The following INPP5A variants were observed in gnomAD, a reference collection of about 807,000 sequenced individuals.
INPP5A encodes the protein inositol polyphosphate-5-phosphatase A.
Under a neutral mutation model 65.2 loss-of-function variants are expected in INPP5A, and 14 were observed. That is an observed-to-expected ratio of 0.21 (90% CI 0.14 to 0.34). The LOEUF is 0.34. Among genes scored for constraint, INPP5A ranks in the 10% least tolerant of loss-of-function variants. The pLI, the probability that INPP5A is intolerant of heterozygous loss-of-function variation, is 1.00. For missense variants in INPP5A, 431 were observed against 545.6 expected (o/e 0.79, Z 2.09); for synonymous variants, 207 against 208.3 (o/e 0.99, Z 0.05).
chr10:132,764,477 G>A (rs918429627), intron 11 of INPP5A, among the ~76,000 whole-genome samples: 2 of 147,862 alleles, frequency 1.4e-5, no homozygotes, highest in South Asian at 2.1e-4. Context: ...ACACGGTCGG[G>A]TCAGTCCTGC....
chr10:132,548,748 C>T (rs999198840), intron 1 of INPP5A, among the ~76,000 whole-genome samples: 10 of 145,126 alleles, frequency 6.9e-5, no homozygotes, highest in African/African-American at 1.0e-4. Flanking sequence ...CGCAGCGTTT[C>T]AAGGTTTGTA....
rs546836968 is a variant in INPP5A at position 132,704,487 on chromosome 10, C to T, written c.475-3826C>T. Reference sequence around the variant, plus strand: ...CTGTGTGTTGGACGCCAGCCCGCGGCGGCTGCTGGTGCGCAGAGCCACCCC... The same window carrying T: ...CTGTGTGTTGGACGCCAGCCCGCGGTGGCTGCTGGTGCGCAGAGCCACCCC... On this transcript the variant is annotated intron_variant, in intron 6 of 15. Coordinates refer to ENST00000368594, the MANE Select transcript of INPP5A (RefSeq NM_005539.5). This position sits in a 1 kb window ranked among gnomAD's most constrained non-coding sequence, Gnocchi z 4.5. Among the ~76,000 whole-genome samples the T allele has an allele frequency of 4.3e-4, 66 of 152,368 alleles. No homozygotes were observed. Among genetic ancestry groups the T allele is most frequent in the African/African-American group, 1.4e-3 (57 of 41,580 alleles).
Position 132,699,325 on chromosome 10 carries a change from G to A in INPP5A, c.474+1406G>A, listed in dbSNP as rs550673459. Among the ~76,000 whole-genome samples, 17 of 134,582 alleles carry A rather than the reference G, an allele frequency of 1.3e-4. No individual in the cohort carries two copies. In the South Asian group the frequency reaches 2.5e-3, roughly 19 times the overall value. 88.3% of individuals were successfully genotyped at this position (134,582 alleles called of 152,430 possible). On this transcript the variant is annotated intron_variant, in intron 6 of 15. Coordinates refer to ENST00000368594, the MANE Select transcript of INPP5A (RefSeq NM_005539.5). ...TCTCATCTCAGAGTGACCAGAGACCGACTCAGGGCCCTTTGTGGGAAGCGT... is the reference window on the plus strand; with the variant it reads ...TCTCATCTCAGAGTGACCAGAGACCAACTCAGGGCCCTTTGTGGGAAGCGT...
intron 1 of INPP5A, among the ~76,000 whole-genome samples, chr10:132,568,316 G>GT (rs1260962088): frequency 6.6e-6 from 1 of 151,972 alleles, no homozygotes; most frequent in East Asian, 1.9e-4. Context: ...ATTTCCATGT[G>GT]TATCGATAGC....
intron 4 of INPP5A, among the ~76,000 whole-genome samples, chr10:132,686,489 C>T (rs989575752): frequency 2.6e-5 from 4 of 152,192 alleles, no homozygotes; most frequent in Non-Finnish European, 5.9e-5. Context: ...CGGCAGGCCC[C>T]GGACACGCTC....
intron 8 of INPP5A, among the ~76,000 whole-genome samples, chr10:132,721,686 TGCGG>T (rs1168022397): frequency 2.0e-5 from 3 of 151,164 alleles, no homozygotes; most frequent in African/African-American, 7.4e-5. Flanking sequence ...ACAGCTGTCT[TGCGG>T]GTTCTGTGGT....
At chr10:132,664,559 T>C (rs953098153) in intron 4 of INPP5A, among the ~76,000 whole-genome samples, 1 of 152,198 alleles carries the variant, frequency 6.6e-6, no homozygotes, top group Non-Finnish European at 1.5e-5. Context: ...CCTGTTGCCC[T>C]GTGCGTTTGT....
chr10:132,731,670 G>GCC (rs1846088933), intron 9 of INPP5A, among the ~76,000 whole-genome samples: 1 of 152,216 alleles, frequency 6.6e-6, no homozygotes, highest in South Asian at 2.1e-4. Flanking sequence ...GGGAGTGGGG[G>GCC]CTCTCCAGCC....
intron 14 of INPP5A, 58 bp downstream of exon 14, chr10:132,780,975 CG>C (rs928569969): frequency 4.2e-5 from 5 of 118,778 alleles, no homozygotes; most frequent in East Asian, 2.0e-4. Flanking sequence ...GCTAGGGGGC[CG>C]GGGGGCTGGG....
chr10:132,688,414 G>A (rs1350031587), intron 4 of INPP5A, among the ~76,000 whole-genome samples: 1 of 152,214 alleles, frequency 6.6e-6, no homozygotes, highest in Non-Finnish European at 1.5e-5. Context: ...GAAGTGTGTG[G>A]GACGTTTAGC....
rs556868343 is a variant in INPP5A, at chr10:132,751,839, C to T, written c.903+1994C>T. Among the ~76,000 whole-genome samples, 173 of 120,812 alleles carry T rather than the reference C, an allele frequency of 1.4e-3. 1 individual carries two copies. The highest frequency in any genetic ancestry group is 5.4e-3 in the African/African-American group (166 of 30,708). The allele number at this position is 120,812 out of a possible 152,430, so 79.3% of individuals were successfully genotyped here. A position where few individuals can be genotyped will look rare whatever the true frequency, so the allele number is the denominator to read the frequency against. On this transcript the variant is annotated intron_variant, in intron 11 of 15. Transcript: ENST00000368594. The stretch of plus-strand genomic sequence containing the variant: ...GAGGCAGGTGCCCAGGAAGTGCCTT[C>T]GTGGAGGCGGGTGCCCAGGAGGTCT...
rs1314565702 is a variant in INPP5A, at chr10:132,674,168, C to A, written c.307-16224C>A. On this transcript the variant is annotated intron_variant, in intron 4 of 15. Coordinates refer to ENST00000368594, the MANE Select transcript of INPP5A (RefSeq NM_005539.5). This position sits in a 1 kb window ranked among gnomAD's most constrained non-coding sequence, Gnocchi z 4.4. ...ATACAAATATCTTCACAAATTTTGA[C>A]CACTCAGAGAGGTCTGTCCACATAC... is the stretch of plus-strand genomic sequence containing the variant. Among the ~76,000 whole-genome samples, 1 of 152,230 alleles carries A rather than the reference C, an allele frequency of 6.6e-6. No individual in the cohort carries two copies. The highest frequency in any genetic ancestry group is 2.4e-5 in the African/African-American group (1 of 41,452).
chr10:132,660,907 A>AT (rs887844058), intron 4 of INPP5A, among the ~76,000 whole-genome samples: 5 of 152,130 alleles, frequency 3.3e-5, no homozygotes, highest in East Asian at 1.9e-4. Context: ...GTGCACATTT[A>AT]TTTTTTTGAC....
At chr10:132,730,421 C>T (rs1018473808) in intron 9 of INPP5A, among the ~76,000 whole-genome samples, 8 of 152,242 alleles carry the variant, frequency 5.3e-5, no homozygotes, top group East Asian at 1.9e-4. Context: ...CGGGAGGGGG[C>T]GCCATCTGCT....
chr10:132,777,921 G>A, intron 13 of INPP5A, 139 bp downstream of exon 13: 1 of 1,485,668 alleles, frequency 6.7e-7, no homozygotes, highest in Non-Finnish European at 8.9e-7. Context: ...CTGACCTCGT[G>A]CTGCCATGAG....
chr10:132,580,352 C>T (rs939351002), intron 1 of INPP5A, among the ~76,000 whole-genome samples: 3 of 152,158 alleles, frequency 2.0e-5, no homozygotes, highest in Non-Finnish European at 4.4e-5. Context: ...GGCACTTCCC[C>T]TTTCACACTC....
At position 132,616,968 on chromosome 10, in the gene INPP5A, G is replaced by A. The variant is rs900734622; in HGVS notation, c.117+9012G>A. On this transcript the variant is annotated intron_variant, in intron 2 of 15. Transcript: ENST00000368594. The surrounding 1 kb of genome is among the most constrained non-coding windows in gnomAD (Gnocchi z 4.9). ...GGGGAGAGGCCGCCTGAGGTCCTTC[G>A]AAGCAGCCTGGGTCTGTCTGCTCCC... Among the ~76,000 whole-genome samples the A allele has an allele frequency of 1.3e-5, 2 of 152,060 alleles. No individual in the cohort carries two copies. Among genetic ancestry groups the A allele is most frequent in the East Asian group, 3.9e-4 (2 of 5,182 alleles).
intron 1 of INPP5A, among the ~76,000 whole-genome samples, chr10:132,602,246 T>C (rs1463879280): frequency 3.3e-5 from 5 of 152,224 alleles, no homozygotes; most frequent in African/African-American, 1.2e-4. Context: ...CTTTTCACAT[T>C]GTTCATTGTT....
At chr10:132,712,460 TGTG>T (rs1450421893) in intron 8 of INPP5A, among the ~76,000 whole-genome samples, 1 of 151,342 alleles carries the variant, frequency 6.6e-6, no homozygotes, top group Non-Finnish European at 1.5e-5. Flanking sequence ...TGGGTGCATG[TGTG>T]GTGTGGATGT....
Sources: gnomAD v4.1 joint callset for allele counts (sites outside exome capture counted in the v4.1 genomes callset) on GRCh38, gnomAD v4.1.1 for gene constraint, Gnocchi (gnomAD v3.1) non-coding constraint, MANE v1.5 for transcripts, NCBI Gene and HGNC (gene_info 2026-07-23, HGNC 2026-07-21) for gene names.